Variants in HERC3 observed in about 807,000 individuals in gnomAD.
HERC3 encodes probable E3 ubiquitin-protein ligase HERC3.
HERC3 carries 58 observed loss-of-function variants against 129.9 expected under a neutral mutation model. That is an observed-to-expected ratio of 0.45 (90% confidence interval 0.36 to 0.56). HERC3 has a LOEUF of 0.56. Ranked by LOEUF, HERC3 falls within the 20% of genes least tolerant of loss-of-function variation. The pLI, the probability that HERC3 is intolerant of heterozygous loss-of-function variation, is 0.00. For synonymous variants in HERC3, 430 were observed against 451.0 expected, an observed-to-expected ratio of 0.95 and a Z score of 0.59; for missense variants, 835 against 1,244.2, an observed-to-expected ratio of 0.67 and a Z score of 4.95.
chr4:88,644,860 A>C (rs1728523503), intron 3 of HERC3, among the ~76,000 whole-genome samples: 1 of 152,194 alleles, frequency 6.6e-6, no homozygotes. Context: ...GATACCCCAA[A>C]ATGTTTAGAC....
chr4:88,571,278 T>A, the HERC3 span, among the ~76,000 whole-genome samples: 1 of 152,178 alleles, frequency 6.6e-6, no homozygotes, highest in Non-Finnish European at 1.5e-5. Flanking sequence ...TTAGGGAAAT[T>A]AAGTATCATA....
intron 10 of HERC3, among the ~76,000 whole-genome samples, chr4:88,659,328 C>CA (rs1730243586): frequency 6.6e-6 from 1 of 152,214 alleles, no homozygotes; most frequent in African/African-American, 2.4e-5. Flanking sequence ...AGATAATGAG[C>CA]AACTGTGGAA....
chr4:88,662,576 A>AT (rs771341095), intron 11 of HERC3, 21 bp downstream of exon 11: 376 of 1,565,472 alleles, frequency 2.4e-4, no homozygotes, highest in Admixed American at 4.8e-4. Context: ...GCTTGTCTTC[A>AT]TTTTTTTTTC....
Position 88,601,907 on chromosome 4 carries a change from T to C in HERC3, c.-29-3888T>C, listed in dbSNP as rs528479707. Among the ~76,000 whole-genome samples the C allele has an allele frequency of 6.4e-4, 76 of 118,186 alleles. 13 individuals are homozygous for C. The highest frequency in any genetic ancestry group is 3.6e-3 in the Admixed American group (48 of 13,336). 77.5% of individuals were successfully genotyped at this position (118,186 alleles called of 152,430 possible). ...CCGTCTCTACTAAAAATACAAAAAA[T>C]TAGCCGGGCGTAGTGGCGGGCGCCT... On this transcript the variant is annotated intron_variant, in intron 2 of 25. Coordinates refer to ENST00000402738, the MANE Select transcript of HERC3 (RefSeq NM_014606.3).
At chr4:88,674,226 T>G (rs1731916817) in intron 16 of HERC3, among the ~76,000 whole-genome samples, 2 of 149,918 alleles carry the variant, frequency 1.3e-5, no homozygotes, top group African/African-American at 4.9e-5. Flanking sequence ...AGGCTCAAGG[T>G]GGGGGTTACA....
At chr4:88,608,439 AC>A (rs1723912206) in intron 3 of HERC3, among the ~76,000 whole-genome samples, 1 of 152,208 alleles carries the variant, frequency 6.6e-6, no homozygotes, top group African/African-American at 2.4e-5. Context: ...CTACAGATGA[AC>A]ACCATTCCAT....
intron 16 of HERC3, among the ~76,000 whole-genome samples, chr4:88,672,841 G>A (rs1207883494): frequency 1.3e-5 from 2 of 152,092 alleles, no homozygotes; most frequent in African/African-American, 4.8e-5. Context: ...TTTTCACGAA[G>A]CAGTTCTTGA....
rs375199330 is a variant in HERC3, at chr4:88,653,112, A to G, written c.685+22A>G. ...AAAGGTAGGTAAACCCTTCATATGTATGTATTTAGTTTAAAAGCACATTCA... is the reference window on the plus strand; with the variant it reads ...AAAGGTAGGTAAACCCTTCATATGTGTGTATTTAGTTTAAAAGCACATTCA... On this transcript the variant is annotated intron_variant, in intron 6 of 25. Coordinates refer to ENST00000402738, the MANE Select transcript of HERC3 (RefSeq NM_014606.3). 5.1e-4 allele frequency: 818 copies of G among 1,608,312 alleles called. 10 individuals are homozygous for G. In the South Asian group the frequency reaches 8.4e-3, roughly 16 times the overall value.
chr4:88,593,694 C>G (rs1722010742), intron 1 of HERC3, among the ~76,000 whole-genome samples: 1 of 152,176 alleles, frequency 6.6e-6, no homozygotes, highest in Non-Finnish European at 1.5e-5. Flanking sequence ...TGTCTTCTGG[C>G]TCTTTCCACA....
At chr4:88,544,960 T>C in the HERC3 span, among the ~76,000 whole-genome samples, 1 of 151,962 alleles carries the variant, frequency 6.6e-6, no homozygotes, top group African/African-American at 2.4e-5. Flanking sequence ...AAATGACGAG[T>C]TGATGGGTGC....
the HERC3 span, among the ~76,000 whole-genome samples, chr4:88,558,798 C>A: frequency 3.4e-4 from 50 of 148,924 alleles, no homozygotes; most frequent in African/African-American, 1.2e-3. Context: ...CCCGTCTCTA[C>A]TAGAAAAAAA....
chr4:88,608,368 G>A (rs557211628), intron 3 of HERC3, among the ~76,000 whole-genome samples: 8 of 152,164 alleles, frequency 5.3e-5, no homozygotes, highest in Admixed American at 2.0e-4. Flanking sequence ...TCTAGTCAGG[G>A]GTTTCTTAAC....
intron 12 of HERC3, among the ~76,000 whole-genome samples, chr4:88,665,981 G>T (rs1731005674): frequency 6.6e-6 from 1 of 152,158 alleles, no homozygotes; most frequent in Non-Finnish European, 1.5e-5. Flanking sequence ...AATGGGGAGG[G>T]ACTTGCTATT....
intron 1 of HERC3, among the ~76,000 whole-genome samples, chr4:88,594,340 T>A (rs1340642254): frequency 2.0e-5 from 3 of 152,216 alleles, no homozygotes; most frequent in Non-Finnish European, 2.9e-5. Flanking sequence ...GTTTTATAAG[T>A]AAAAGTACTA....
chr4:88,574,140 G>A, the HERC3 span, among the ~76,000 whole-genome samples: 2 of 152,216 alleles, frequency 1.3e-5, no homozygotes, highest in South Asian at 4.2e-4. Context: ...CAGAATCTAG[G>A]AAGAATTAAA....
chr4:88,663,877 G>A (rs1010978657), intron 11 of HERC3, among the ~76,000 whole-genome samples: 31 of 152,168 alleles, frequency 2.0e-4, no homozygotes, highest in Admixed American at 1.8e-3. Flanking sequence ...GTTGGTGGTA[G>A]AAAAATATTC....
chr4:88,577,093 G>A, the HERC3 span, among the ~76,000 whole-genome samples: 1 of 152,182 alleles, frequency 6.6e-6, no homozygotes, highest in Admixed American at 6.5e-5. Context: ...CATGCTTTGA[G>A]TAGAGTCTTG....
chr4:88,676,440 A>T lies in HERC3; in HGVS notation c.2025+17A>T. 1 of 1,538,302 alleles carries T rather than the reference A, an allele frequency of 6.5e-7. No individual in the cohort carries two copies. Among genetic ancestry groups the T allele is most frequent in the African/African-American group, 1.4e-5 (1 of 73,266 alleles). ...CAGATGCAGGTATCATATTTTAGAA[A>T]TTATTTCTTCTTTTTACTGTGTTTC... On this transcript the variant is annotated intron_variant, in intron 18 of 25. Transcript: ENST00000402738.
At chr4:88,634,193 C>T (rs578145635) in intron 3 of HERC3, among the ~76,000 whole-genome samples, 11 of 152,298 alleles carry the variant, frequency 7.2e-5, no homozygotes, top group East Asian at 1.9e-4. Flanking sequence ...CCTTGGGAAC[C>T]GTGCTTTTTC....
Sources: allele counts gnomAD v4.1 joint callset (sites outside exome capture counted in the v4.1 genomes callset), GRCh38; gene constraint gnomAD v4.1.1; transcripts MANE v1.5; gene names NCBI Gene and HGNC (gene_info 2026-07-23, HGNC 2026-07-21).